Variants in EIF2B3 observed in about 807,000 individuals in gnomAD.
EIF2B3 encodes the protein translation initiation factor eIF2B subunit gamma.
A neutral mutation model predicts 54.1 loss-of-function variants in EIF2B3; 20 were observed. The observed-to-expected ratio is 0.37, with a 90% CI of 0.26 to 0.54. EIF2B3 has a LOEUF of 0.54. Ranked by LOEUF, EIF2B3 falls within the 20% of genes least tolerant of loss-of-function variation. The pLI is 0.86. For synonymous variants in EIF2B3, 153 were observed against 188.1 expected (o/e 0.81, Z 1.52); for missense variants, 448 against 547.8 (o/e 0.82, Z 1.82).
intron 3 of EIF2B3, among the ~76,000 whole-genome samples, chr1:44,943,266 A>T (rs1382089139): frequency 1.3e-5 from 2 of 148,964 alleles, no homozygotes; most frequent in Non-Finnish European, 3.0e-5. Flanking sequence ...GGGCTCAAAC[A>T]ATCCTGTCTC....
intron 3 of EIF2B3, among the ~76,000 whole-genome samples, chr1:44,974,429 G>A (rs977281496): frequency 2.7e-5 from 4 of 148,974 alleles, no homozygotes; most frequent in Admixed American, 6.8e-5. Context: ...AGCCGTGATC[G>A]AGCCACTGCA....
In EIF2B3 at chr1:44,867,722, C is replaced by T. The variant is rs79785477; in HGVS notation, c.1202+6956G>A. ...TGGGATGTAGGATGTCTGATCTTAT[C>T]AGCAGGAACTCATTCGCAGGATTGG... On this transcript the variant is annotated intron_variant, in intron 10 of 11. Transcript: ENST00000360403. 4.7e-3 allele frequency among the ~76,000 whole-genome samples: 721 copies of T among 152,180 alleles called. 2 individuals carry two copies. Among genetic ancestry groups the T allele is most frequent in the East Asian group, 7.3e-3 (38 of 5,180 alleles).
At chr1:44,901,793 C>T (rs1315653140) in intron 5 of EIF2B3, among the ~76,000 whole-genome samples, 1 of 151,988 alleles carries the variant, frequency 6.6e-6, no homozygotes, top group Non-Finnish European at 1.5e-5. Flanking sequence ...ACTCCTGGTT[C>T]AAGCAATCCA....
intron 4 of EIF2B3, among the ~76,000 whole-genome samples, chr1:44,938,288 T>C (rs1643979403): frequency 6.6e-6 from 1 of 152,166 alleles, no homozygotes; most frequent in Non-Finnish European, 1.5e-5. Flanking sequence ...CTCAATTATT[T>C]AGGTGAATCT....
intron 3 of EIF2B3, among the ~76,000 whole-genome samples, chr1:44,943,029 T>G (rs1034622754): frequency 7.2e-5 from 11 of 151,796 alleles, no homozygotes; most frequent in Non-Finnish European, 1.3e-4. Flanking sequence ...CTAATTTTTT[T>G]TGTGTTTTTA....
intron 3 of EIF2B3, chr1:44,959,153 T>G (rs771124514): frequency 1.4e-4 from 105 of 724,864 alleles, no homozygotes; most frequent in Non-Finnish European, 2.4e-4. Context: ...CCATCTACGA[T>G]TGCACAGTCT....
chr1:44,943,198 T>C (rs74505509), intron 3 of EIF2B3, among the ~76,000 whole-genome samples: 1 of 148,388 alleles, frequency 6.7e-6, no homozygotes, highest in Non-Finnish European at 1.5e-5. Flanking sequence ...AAAAAAAAAA[T>C]AGAGACAGGG....
At chr1:44,892,825 A>G (rs983506272) in intron 6 of EIF2B3, among the ~76,000 whole-genome samples, 1 of 152,148 alleles carries the variant, frequency 6.6e-6, no homozygotes, top group African/African-American at 2.4e-5. Flanking sequence ...TCTTAGCTTA[A>G]TTTTGTTGTT....
rs1557666544 is a variant in EIF2B3 at position 44,877,210 on chromosome 1, A to AC, written c.976-1516_976-1515insG. On this transcript the variant is annotated intron_variant, in intron 8 of 11. Transcript: ENST00000360403. ...TGATCAATAAAAAAAAAAAAAAAAA[A>AC]AAAAAAAAAAAACACCTTAGGTAGA... Among the ~76,000 whole-genome samples, 249 of 148,882 alleles carry AC rather than the reference A, an allele frequency of 1.7e-3. 4 individuals carry two copies. Among genetic ancestry groups the AC allele is most frequent in the African/African-American group, 5.9e-3 (239 of 40,184 alleles).
At chr1:44,932,519 T>C (rs1569766422) in intron 4 of EIF2B3, 1 of 152,202 alleles carries the variant, frequency 6.6e-6, no homozygotes, top group African/African-American at 2.4e-5. Flanking sequence ...TAAAGAGACC[T>C]AATACAACCT....
chr1:44,907,643 G>A (rs997462858), intron 5 of EIF2B3, among the ~76,000 whole-genome samples: 1 of 152,096 alleles, frequency 6.6e-6, no homozygotes, highest in Admixed American at 6.6e-5. Flanking sequence ...GCTCATGCCT[G>A]TAATCCCAGC....
At chr1:44,977,873 G>C (rs564863108) in intron 3 of EIF2B3, among the ~76,000 whole-genome samples, 1 of 152,278 alleles carries the variant, frequency 6.6e-6, no homozygotes, top group South Asian at 2.1e-4. Flanking sequence ...CCAAATCAAA[G>C]AGCAACTGAA....
intron 5 of EIF2B3, among the ~76,000 whole-genome samples, chr1:44,925,536 A>G (rs972162954): frequency 2.6e-5 from 4 of 152,142 alleles, no homozygotes; most frequent in African/African-American, 9.7e-5. Flanking sequence ...CTGTTGTTTG[A>G]TAGGTATAGA....
intron 3 of EIF2B3, among the ~76,000 whole-genome samples, chr1:44,968,636 C>T (rs763583036): frequency 5.9e-5 from 9 of 152,220 alleles, no homozygotes; most frequent in Middle Eastern, 3.4e-3. Context: ...CAGTGGCTCA[C>T]GCCTGTAATC....
chr1:44,912,969 T>C (rs964659684), intron 5 of EIF2B3, among the ~76,000 whole-genome samples: 17 of 152,288 alleles, frequency 1.1e-4, no homozygotes, highest in African/African-American at 3.8e-4. Flanking sequence ...ACTAGATACA[T>C]TGAACAAAAC....
chr1:44,969,281 TTTC>T (rs1644377791), intron 3 of EIF2B3, among the ~76,000 whole-genome samples: 1 of 152,142 alleles, frequency 6.6e-6, no homozygotes, highest in Non-Finnish European at 1.5e-5. Flanking sequence ...AAAAACCTAG[TTTC>T]TTCAACAATT....
chr1:44,856,034 G>A (rs1484386889), intron 11 of EIF2B3, among the ~76,000 whole-genome samples: 1 of 152,118 alleles, frequency 6.6e-6, no homozygotes, highest in Non-Finnish European at 1.5e-5. Flanking sequence ...ACACTTGGTC[G>A]GAGTCTTCAA....
intron 5 of EIF2B3, among the ~76,000 whole-genome samples, chr1:44,920,467 T>A (rs1643717057): frequency 1.3e-5 from 2 of 152,150 alleles, no homozygotes; most frequent in South Asian, 4.2e-4. Context: ...CTAGCAAATA[T>A]TAGGTTTTAT....
chr1:44,975,413 T>C (rs953303019), intron 3 of EIF2B3, among the ~76,000 whole-genome samples: 1 of 152,186 alleles, frequency 6.6e-6, no homozygotes, highest in Non-Finnish European at 1.5e-5. Context: ...ACCTAGATAG[T>C]ATAGCCTACT....
Sources: allele counts gnomAD v4.1 joint callset (sites outside exome capture counted in the v4.1 genomes callset), GRCh38; gene constraint gnomAD v4.1.1; transcripts MANE v1.5; gene names NCBI Gene and HGNC (gene_info 2026-07-23, HGNC 2026-07-21).